SMG1: variants seen among roughly 807,000 people sequenced by gnomAD.
SMG1 encodes serine/threonine-protein kinase SMG1.
SMG1 carries 22 observed loss-of-function variants against 419.9 expected under a neutral mutation model. The ratio of observed to expected loss-of-function variants is 0.05; its 90% CI spans 0.04 to 0.07. The LOEUF is 0.07. Ranked by LOEUF, SMG1 falls within the 10% of genes least tolerant of loss-of-function variation. SMG1 has a pLI of 1.00. For missense variants in SMG1, 3,185 were observed against 4,342.0 expected (o/e 0.73, Z 7.49); for synonymous variants, 1,538 against 1,553.5 (o/e 0.99, Z 0.23).
At chr16:18,916,513 CAAAAAAAAAAAA>C (rs59985733) in intron 1 of SMG1, among the ~76,000 whole-genome samples, 2 of 68,946 alleles carry the variant, frequency 2.9e-5, no homozygotes, top group Non-Finnish European at 5.4e-5. Context: ...GACTCCATCT[CAAAAAAAAAAAA>C]AAAAAAAAAA....
chr16:18,864,461 A>G (rs2035389887), intron 23 of SMG1, among the ~76,000 whole-genome samples: 1 of 151,742 alleles, frequency 6.6e-6, no homozygotes, highest in Non-Finnish European at 1.5e-5. Context: ...GCCTCCCAAA[A>G]TGCTGGGATT....
Position 18,854,702 on chromosome 16 carries a change from C to A in SMG1, c.4437G>T (p.Trp1479Cys). ...TTTTTTCAATATCAAGTTCGGGCCC[C>A]CATTTTTCATCCACTTGACCTTGGG... ...LSTQGQVDEK[W>C]GPELDIEKTK... Residue 1479 changes from tryptophan to cysteine, a missense_variant, in exon 30 of 63, where the codon TGG (tryptophan) becomes TGT (cysteine). Trp to Cys is a radical substitution (Grantham distance 215). Coordinates refer to ENST00000446231, the MANE Select transcript of SMG1 (RefSeq NM_015092.5). The A allele has an allele frequency of 6.2e-7, 1 of 1,613,902 alleles. No homozygotes were observed. Among genetic ancestry groups the A allele is most frequent in the Non-Finnish European group, 8.5e-7 (1 of 1,179,876 alleles).
chr16:18,905,719 C>A (rs2037534469), intron 1 of SMG1, among the ~76,000 whole-genome samples: 1 of 151,242 alleles, frequency 6.6e-6, no homozygotes, highest in African/African-American at 2.4e-5. Flanking sequence ...TCAAGTGATT[C>A]TCCTGCCTCA....
At chr16:18,840,601 A>G (rs1468477739) in intron 41 of SMG1, among the ~76,000 whole-genome samples, 2 of 152,244 alleles carry the variant, frequency 1.3e-5, no homozygotes, top group African/African-American at 2.4e-5. Flanking sequence ...ACTCAGATAC[A>G]TGGCTAAAAT....
chr16:18,827,248 G>GA (rs2141179444), intron 55 of SMG1, among the ~76,000 whole-genome samples: 1 of 151,952 alleles, frequency 6.6e-6, no homozygotes, highest in East Asian at 1.9e-4. Context: ...CCAGCATGGT[G>GA]AAACCCCGTC....
At chr16:18,834,553 G>GCC in intron 49 of SMG1, 115 bp from the exon 50 acceptor site, 3 of 955,990 alleles carry the variant, frequency 3.1e-6, no homozygotes, top group Non-Finnish European at 4.7e-6. Flanking sequence ...GAGGCAGGTA[G>GCC]ATGACTTCAG....
intron 1 of SMG1, 28 bp downstream of exon 1, chr16:18,925,922 G>A (rs745866433): frequency 2.7e-6 from 4 of 1,498,754 alleles, no homozygotes; most frequent in Non-Finnish European, 3.6e-6. Context: ...CCGGGAGGTC[G>A]GGGCGGGGTC....
chr16:18,867,117 G>T (rs2035553895), intron 22 of SMG1, among the ~76,000 whole-genome samples: 1 of 152,146 alleles, frequency 6.6e-6, no homozygotes, highest in South Asian at 2.1e-4. Flanking sequence ...AACTTCATGT[G>T]TTTGAATACT....
At chr16:18,854,422 A>G (rs2034782950) in intron 30 of SMG1, among the ~76,000 whole-genome samples, 2 of 152,180 alleles carry the variant, frequency 1.3e-5, no homozygotes, top group Non-Finnish European at 2.9e-5. Flanking sequence ...TTCAGTGACC[A>G]ATGATCTCCG....
chr16:18,817,266 C>T, intron 57 of SMG1, 25 bp downstream of exon 57: 1 of 1,574,712 alleles, frequency 6.4e-7, no homozygotes, highest in Non-Finnish European at 8.6e-7. Flanking sequence ...CTTATTTAAT[C>T]AAGTTTCTTT....
chr16:18,829,128 T>C (rs534612529), intron 54 of SMG1, among the ~76,000 whole-genome samples, 158 bp downstream of exon 54: 44 of 152,214 alleles, frequency 2.9e-4, no homozygotes, highest in Admixed American at 5.2e-4. Context: ...GAAGTATCAT[T>C]GGAAAGAAAG....
chr16:18,916,319 T>C (rs1048256980), intron 1 of SMG1, among the ~76,000 whole-genome samples: 2 of 150,920 alleles, frequency 1.3e-5, no homozygotes, highest in African/African-American at 4.9e-5. Flanking sequence ...ATCGAGACCA[T>C]CCTGGCTAAC....
chr16:18,896,845 C>A lies in SMG1; in HGVS notation c.204G>T (p.Arg68=), dbSNP rs2037150284. The change falls in exon 2 of 63, where the codon CGG becomes CGT. Residue 68 remains arginine (R), a synonymous_variant. Coordinates refer to ENST00000446231, the MANE Select transcript of SMG1 (RefSeq NM_015092.5). The stretch of plus-strand genomic sequence containing the variant: ...GGACTCTGGTATCATCGTGCCTTTG[C>A]CGAGACACCACAGCTGAATTTGAAG... ...LQPSNSAVVS[R]QRHDDTRVHA... is the part of the protein sequence containing the mutation. 2 of 1,609,166 alleles carry A rather than the reference C, an allele frequency of 1.2e-6. No homozygotes were observed. The highest frequency in any genetic ancestry group is 1.1e-5 in the South Asian group (1 of 90,654).
At chr16:18,821,304 G>A (rs1182676874) in intron 55 of SMG1, among the ~76,000 whole-genome samples, 3 of 44,166 alleles carry the variant, frequency 6.8e-5, no homozygotes, top group Non-Finnish European at 1.3e-4. Context: ...TGCACATTGT[G>A]CAGGTTAGTT....
intron 1 of SMG1, among the ~76,000 whole-genome samples, chr16:18,906,061 T>C (rs1001989627): frequency 1.3e-5 from 2 of 152,108 alleles, no homozygotes; most frequent in Non-Finnish European, 2.9e-5. Context: ...ACAAGCACCA[T>C]ACTCCCAGGT....
At chr16:18,892,128 T>A in intron 4 of SMG1, 90 bp downstream of exon 4, 1 of 891,264 alleles carries the variant, frequency 1.1e-6, no homozygotes, top group Admixed American at 2.0e-5. Flanking sequence ...TAATACAGAC[T>A]TTCCCCATTC....
intron 13 of SMG1, among the ~76,000 whole-genome samples, chr16:18,874,204 T>A (rs1403697225): frequency 6.6e-6 from 1 of 152,104 alleles, no homozygotes; most frequent in Non-Finnish European, 1.5e-5. Flanking sequence ...AGTGGTGTGA[T>A]CTCAGCTCAC....
At chr16:18,859,752 A>T in intron 26 of SMG1, 49 bp from the exon 27 acceptor site, 5 of 1,486,964 alleles carry the variant, frequency 3.4e-6, no homozygotes, top group Non-Finnish European at 4.5e-6. Context: ...TTTTATTATA[A>T]ATTTTGATTT....
In SMG1 at chr16:18,872,273, A is replaced by C. The variant is rs777935265; in HGVS notation, c.2094T>G (p.Thr698=). ...AATGTTTCTTTGTAGCCGTAGTTAC[A>C]GTGCTAATCACAGCTCCATCAAACA... ...PSLFDGAVIS[T]VTTATKKHFS... is the part of the protein sequence containing the mutation. Residue 698 remains threonine, a synonymous_variant, in exon 15 of 63, where the codon ACT becomes ACG. Coordinates refer to ENST00000446231, the MANE Select transcript of SMG1 (RefSeq NM_015092.5). The C allele has an allele frequency of 9.4e-6, 15 of 1,594,968 alleles. No homozygotes were observed. The highest frequency in any genetic ancestry group is 1.7e-5 in the Admixed American group (1 of 58,518).
Sources: gnomAD v4.1 joint callset for allele counts (sites outside exome capture counted in the v4.1 genomes callset) on GRCh38, gnomAD v4.1.1 for gene constraint, MANE v1.5 for transcripts, NCBI Gene and HGNC (gene_info 2026-07-23, HGNC 2026-07-21) for gene names.